ZFYVE26: variants seen among roughly 807,000 people sequenced by gnomAD.
ZFYVE26 encodes the protein zinc finger FYVE-type containing 26.
ZFYVE26 carries 181 observed loss-of-function variants against 276.5 expected under a neutral mutation model. The ratio of observed to expected loss-of-function variants is 0.65; its 90% CI spans 0.58 to 0.74. The LOEUF (loss-of-function observed/expected upper bound fraction) is 0.74. ZFYVE26 is among the 30% of genes least tolerant of loss of function. The pLI, the probability that ZFYVE26 is intolerant of heterozygous loss-of-function variation, is 0.00. For synonymous variants in ZFYVE26, 1,129 were observed against 1,203.1 expected, an observed-to-expected ratio of 0.94 and a Z score of 1.27; for missense variants, 2,821 against 3,097.9, an observed-to-expected ratio of 0.91 and a Z score of 2.12.
At chr14:67,762,886 G>A (rs936964704) in intron 32 of ZFYVE26, 67 bp from the exon 33 acceptor site, 40 of 1,595,320 alleles carry the variant, frequency 2.5e-5, no homozygotes, top group Non-Finnish European at 3.3e-5. Flanking sequence ...CCGCTTAAAG[G>A]TTTCCTATTC....
rs975529254 is a variant in ZFYVE26 at position 67,807,293 on chromosome 14, A to G, written c.886+105T>C. 6 of 1,497,368 alleles carry G rather than the reference A, an allele frequency of 4.0e-6. No homozygotes were observed. In the African/African-American group the frequency reaches 8.3e-5, roughly 21 times the overall value. The allele number at this position is 1,497,368 out of a possible 1,614,324, so 92.8% of individuals were successfully genotyped here. On this transcript the variant is annotated intron_variant, in intron 5 of 41. Coordinates refer to ENST00000347230, the MANE Select transcript of ZFYVE26 (RefSeq NM_015346.4). ...CACCCATTTTTGCTTAGCCTCCCCT[A>G]TTAGATGTCCTGAGCCACACGGAAG... is the stretch of plus-strand genomic sequence containing the variant.
At chr14:67,749,917 T>C (rs1335276577) in intron 41 of ZFYVE26, among the ~76,000 whole-genome samples, 2 of 152,234 alleles carry the variant, frequency 1.3e-5, no homozygotes, top group Non-Finnish European at 2.9e-5. Flanking sequence ...TGAATGAAGT[T>C]GTTTTTTGGC....
In ZFYVE26 at chr14:67,783,197, C is replaced by T; in HGVS notation, c.3955G>A (p.Ala1319Thr). 1 of 1,612,106 alleles carries T rather than the reference C, an allele frequency of 6.2e-7. No homozygotes were observed. The highest frequency in any genetic ancestry group is 2.2e-5 in the East Asian group (1 of 44,840). The stretch of plus-strand genomic sequence containing the variant: ...AACCTCGGGGAAGCCCCCAGGCAGG[C>T]CACCGTAGCTAGGAGCTTTGAGCGT... ...KSRSKLLATV[A>T]CLGASPRLKV... The change falls in exon 21 of 42, where the codon GCC (alanine) becomes ACC (threonine). Residue 1319 changes from alanine (A) to threonine (T), a missense_variant. Ala to Thr is a moderately conservative substitution (Grantham distance 58, BLOSUM62 0). Transcript: ENST00000347230.
chr14:67,729,695 T>C (rs377047895), exon 14 of ZFYVE26: 24 of 553,842 alleles, frequency 4.3e-5, no homozygotes, highest in African/African-American at 4.1e-4. Context: ...GTTTTTCTCC[T>C]TCTTTAAGCT....
chr14:67,740,193 TAATA>T (rs1325181715), intron 13 of ZFYVE26, among the ~76,000 whole-genome samples: 1 of 152,218 alleles, frequency 6.6e-6, no homozygotes, highest in Non-Finnish European at 1.5e-5. Flanking sequence ...GTTTTCATCT[TAATA>T]AAATCACTAT....
Position 67,747,902 on chromosome 14 carries a change from A to C in ZFYVE26, c.*534T>G. 6.3e-6 allele frequency: 1 copy of C among 157,912 alleles called. No individual in the cohort carries two copies. The highest frequency in any genetic ancestry group is 6.1e-5 in the Admixed American group (1 of 16,454). 9.8% of individuals were successfully genotyped at this position (157,912 alleles called of 1,614,324 possible). A position where few individuals can be genotyped will look rare whatever the true frequency, so the allele number is the denominator to read the frequency against. Reference sequence around the variant, plus strand: ...CCCCAAAGCCATCTCTGAATTTTGGAATGGGAAGGAAGGAAAAGAGGCAAT... The same window carrying C: ...CCCCAAAGCCATCTCTGAATTTTGGCATGGGAAGGAAGGAAAAGAGGCAAT... On this transcript the variant is annotated 3_prime_UTR_variant, in exon 42 of 42. Coordinates refer to ENST00000347230, the MANE Select transcript of ZFYVE26 (RefSeq NM_015346.4).
chr14:67,794,419 G>A (rs904104746), intron 12 of ZFYVE26, among the ~76,000 whole-genome samples, 180 bp from the exon 13 acceptor site: 2 of 152,188 alleles, frequency 1.3e-5, no homozygotes, highest in Non-Finnish European at 2.9e-5. Flanking sequence ...GGCAAAGGGT[G>A]GGCTGAATAT....
intron 30 of ZFYVE26, 76 bp from the exon 31 acceptor site, chr14:67,767,916 G>C: frequency 6.2e-7 from 1 of 1,604,744 alleles, no homozygotes; most frequent in Non-Finnish European, 8.5e-7. Context: ...GAGCTGGCAT[G>C]AGTTGCAGGT....
intron 16 of ZFYVE26, among the ~76,000 whole-genome samples, chr14:67,786,556 CAT>C (rs779005227): frequency 3.2e-4 from 49 of 152,330 alleles, no homozygotes; most frequent in Non-Finnish European, 4.7e-4. Context: ...GAGCGGAGAT[CAT>C]ATGTCTTCTT....
rs2039993133 is a variant in ZFYVE26, at chr14:67,798,023, G to T, written c.2239C>A (p.His747Asn). The T allele has an allele frequency of 6.2e-7, 1 of 1,614,154 alleles. No homozygotes were observed. Among genetic ancestry groups the T allele is most frequent in the South Asian group, 1.1e-5 (1 of 91,084 alleles). Residue 747 changes from histidine (H) to asparagine (N), a missense_variant, in exon 11 of 42, where the codon CAT becomes AAT. Transcript: ENST00000347230. ...TCCACCCTTCTCTCACCTGAACGAT[G>T]GTTGCTTGTCACCACCTTGTGTCTC... ...QWRHKVVTSN[H>N]RSEEQPSRRY...
At position 67,762,012 on chromosome 14, in the gene ZFYVE26, A is replaced by G. The variant is rs2038944137; in HGVS notation, c.6369+191T>C. 8 of 622,136 alleles carry G rather than the reference A, an allele frequency of 1.3e-5. No individual in the cohort carries two copies. In the South Asian group the frequency reaches 1.4e-4, roughly 11 times the overall value. 38.5% of individuals were successfully genotyped at this position (622,136 alleles called of 1,614,324 possible). A position where few individuals can be genotyped will look rare whatever the true frequency, so the allele number is the denominator to read the frequency against. ...GTCTCCTTTTTTTAAAAAAAATTAC[A>G]TCTATTACTTATCTAACCATATATG... On this transcript the variant is annotated intron_variant, in intron 34 of 41. Coordinates refer to ENST00000347230, the MANE Select transcript of ZFYVE26 (RefSeq NM_015346.4).
chr14:67,789,337 C>T lies in ZFYVE26; in HGVS notation c.3017G>A (p.Arg1006Gln), dbSNP rs149330072. The T allele has an allele frequency of 4.3e-5, 70 of 1,614,004 alleles. No individual in the cohort carries two copies. Among genetic ancestry groups the T allele is most frequent in the Non-Finnish European group, 5.1e-5 (60 of 1,180,048 alleles). Reference protein sequence around the residue: ...ERRLNSSLERRGRRIDHVLLN... With the variant: ...ERRLNSSLERQGRRIDHVLLN... ...TACAGCTAACACAGCACACTCACCC[C>T]GCCTTTCAAGGCTACTATTCAAACG... Residue 1006 changes from arginine (R) to glutamine (Q), a missense_variant and splice_region_variant, in exon 16 of 42, where the codon CGG (arginine) becomes CAG (glutamine). Physicochemically the swap from Arg to Gln is conservative, Grantham distance 43 (BLOSUM62 1). Coordinates refer to ENST00000347230, the MANE Select transcript of ZFYVE26 (RefSeq NM_015346.4).
chr14:67,797,468 A>C (rs1340873888), intron 12 of ZFYVE26: 2 of 639,774 alleles, frequency 3.1e-6, no homozygotes, highest in African/African-American at 3.6e-5. Context: ...TATATATATA[A>C]AAGGATATAC....
At chr14:67,740,066 G>T (rs2038397992) in intron 13 of ZFYVE26, among the ~76,000 whole-genome samples, 1 of 152,100 alleles carries the variant, frequency 6.6e-6, no homozygotes, top group Admixed American at 6.5e-5. Flanking sequence ...GTTCTCTATT[G>T]GATCCCCTGT....
chr14:67,770,852 C>A (rs1383164352), intron 28 of ZFYVE26, among the ~76,000 whole-genome samples: 4 of 152,172 alleles, frequency 2.6e-5, no homozygotes, highest in Non-Finnish European at 2.9e-5. Context: ...TCATGCAAAA[C>A]TCCTTTTGGT....
At chr14:67,812,129 ACT>A (rs1304221646) in intron 3 of ZFYVE26, among the ~76,000 whole-genome samples, 1 of 151,892 alleles carries the variant, frequency 6.6e-6, no homozygotes, top group Non-Finnish European at 1.5e-5. Context: ...GACCATGAAC[ACT>A]CTATGTTAGT....
Position 67,785,256 on chromosome 14 carries a change from G to A in ZFYVE26, c.3326C>T (p.Ser1109Phe), listed in dbSNP as rs968618486. The change falls in exon 19 of 42, where the codon TCT becomes TTT. Residue 1109 changes from serine (S) to phenylalanine (F), a missense_variant. Physicochemically the swap from Ser to Phe is radical, Grantham distance 155 (BLOSUM62 -2). Coordinates refer to ENST00000347230, the MANE Select transcript of ZFYVE26 (RefSeq NM_015346.4). ...ELPEPRTPPL[S>F]SLVEQAAQKA... The stretch of plus-strand genomic sequence containing the variant: ...CTGGGCTGCCTGCTCCACCAGGGAA[G>A]ACAGTGGAGGAGTCCTGGGCTCTGA... The A allele has an allele frequency of 2.5e-6, 4 of 1,609,250 alleles. No homozygotes were observed. Among genetic ancestry groups the A allele is most frequent in the African/African-American group, 2.7e-5 (2 of 74,836 alleles).
At chr14:67,816,133 G>A (rs2040402667) in intron 1 of ZFYVE26, 87 bp from the exon 2 acceptor site, 2 of 582,962 alleles carry the variant, frequency 3.4e-6, no homozygotes, top group East Asian at 5.6e-5. Context: ...GGGAAAGGCG[G>A]GACTTGCTTG....
At chr14:67,794,065 G>GA (rs2039891158) in intron 13 of ZFYVE26, 106 bp downstream of exon 13, 2 of 1,302,072 alleles carry the variant, frequency 1.5e-6, no homozygotes, top group African/African-American at 2.9e-5. Flanking sequence ...TGCCAACCTT[G>GA]AATAACAACC....
Sources: allele counts gnomAD v4.1 joint callset (sites outside exome capture counted in the v4.1 genomes callset), GRCh38; gene constraint gnomAD v4.1.1; transcripts MANE v1.5; gene names NCBI Gene and HGNC (gene_info 2026-07-23, HGNC 2026-07-21).